Variants in PCDHA11 observed in about 807,000 individuals in gnomAD.
The protein encoded by PCDHA11 is protocadherin alpha-11.
A neutral mutation model predicts 70.3 loss-of-function variants in PCDHA11; 61 were observed. That is an observed-to-expected ratio of 0.87 (90% CI 0.71 to 1.07). The LOEUF is 1.07. Among genes scored for constraint, PCDHA11 ranks in the 50% least tolerant of loss-of-function variants. PCDHA11 has a pLI of 0.00. For missense variants in PCDHA11, 1,324 were observed against 1,237.5 expected (o/e 1.07, Z -1.05); for synonymous variants, 633 against 555.1 (o/e 1.14, Z -1.97).
rs1280903830 is a variant in PCDHA11, at chr5:140,927,541, G to T, written c.2392-51408G>T. 4 of 1,613,996 alleles carry T rather than the reference G, an allele frequency of 2.5e-6. No homozygotes were observed. The East Asian group carries it at 6.7e-5, about 27-fold the overall frequency. On this transcript the variant is annotated intron_variant, in intron 1 of 3. Coordinates refer to ENST00000398640, the MANE Select transcript of PCDHA11 (RefSeq NM_018902.5). ...CGGGCTACCTGCCCGCTCAGGAGAC[G>T]CACAAGTCACCATCATTGTGGTGGA...
At chr5:140,876,455 C>T (rs1554168573) in intron 1 of PCDHA11, 1 of 1,613,874 alleles carries the variant, frequency 6.2e-7, no homozygotes, top group African/African-American at 1.3e-5. Flanking sequence ...AAAGGGATTC[C>T]TTCCATGGCA....
intron 1 of PCDHA11, among the ~76,000 whole-genome samples, chr5:140,935,745 T>C (rs564797649): frequency 6.6e-6 from 1 of 152,324 alleles, no homozygotes; most frequent in South Asian, 2.1e-4. Flanking sequence ...TATTATTCCA[T>C]ACAATACACA....
At chr5:140,893,050 A>G (rs967159859) in intron 1 of PCDHA11, among the ~76,000 whole-genome samples, 1 of 152,248 alleles carries the variant, frequency 6.6e-6, no homozygotes, top group Non-Finnish European at 1.5e-5. Context: ...CTCCAGGCTC[A>G]GCCATACTGC....
intron 1 of PCDHA11, chr5:140,928,283 T>C (rs782493603): frequency 4.3e-6 from 7 of 1,614,178 alleles, no homozygotes; most frequent in Non-Finnish European, 5.1e-6. Flanking sequence ...GGGGCCTCTC[T>C]AGGCCGAGTG....
chr5:140,869,070 A>G lies in PCDHA11; in HGVS notation c.-34A>G, dbSNP rs1554162449. On this transcript the variant is annotated 5_prime_UTR_variant, in exon 1 of 4. Transcript: ENST00000398640. The stretch of plus-strand genomic sequence containing the variant: ...TGAAGAATCTGGTACTGTAAGTGTA[A>G]AGAAGCTTATTTTGGAAGCCAATTT... 6.4e-7 allele frequency: 1 copy of G among 1,572,828 alleles called. No homozygotes were observed. The highest frequency in any genetic ancestry group is 8.6e-7 in the Non-Finnish European group (1 of 1,160,898).
rs564306575 is a variant in PCDHA11, at chr5:140,927,833, A to G, written c.2392-51116A>G. On this transcript the variant is annotated intron_variant, in intron 1 of 3. Coordinates refer to ENST00000398640, the MANE Select transcript of PCDHA11 (RefSeq NM_018902.5). Reference sequence around the variant, plus strand: ...TTGGAGGCATACATTGAGGCGAGGGACGAAGGTGTCTTTGGTTTAGCTAGC... The same window carrying G: ...TTGGAGGCATACATTGAGGCGAGGGGCGAAGGTGTCTTTGGTTTAGCTAGC... 5.0e-6 allele frequency: 8 copies of G among 1,614,044 alleles called. No individual in the cohort carries two copies. Among genetic ancestry groups the G allele is most frequent in the African/African-American group, 4.0e-5 (3 of 74,914 alleles).
rs75032728 is a variant in PCDHA11 at position 140,932,740 on chromosome 5, T to C, written c.2392-46209T>C. On this transcript the variant is annotated intron_variant, in intron 1 of 3. Coordinates refer to ENST00000398640, the MANE Select transcript of PCDHA11 (RefSeq NM_018902.5). The stretch of plus-strand genomic sequence containing the variant: ...ATATTGTATAATATAGACCCTCAAA[T>C]CAGTAAAAAGGAAAGAAAAAGAACA... 5.5e-3 allele frequency among the ~76,000 whole-genome samples: 829 copies of C among 151,670 alleles called. 4 individuals carry two copies. The highest frequency in any genetic ancestry group is 0.019 in the African/African-American group (798 of 41,410).
At chr5:140,966,749 C>T (rs1554228607) in intron 1 of PCDHA11, 1 of 1,428,076 alleles carries the variant, frequency 7.0e-7, no homozygotes, top group Middle Eastern at 2.5e-4. Flanking sequence ...CCGGCTGCCT[C>T]CGCCGCGGCC....
At position 140,967,913 on chromosome 5, in the gene PCDHA11, A is replaced by G. The variant is rs548732358; in HGVS notation, c.2392-11036A>G. 3.7e-6 allele frequency: 6 copies of G among 1,614,184 alleles called. No homozygotes were observed. The highest frequency in any genetic ancestry group is 1.3e-5 in the African/African-American group (1 of 75,042). ...GCCTGAGAATGCTACACCCAACACC[A>G]TTGTGGCCGTTCTCAGTGTCAATGA... On this transcript the variant is annotated intron_variant, in intron 1 of 3. Transcript: ENST00000398640.
At position 141,009,660 on chromosome 5, in the gene PCDHA11, G is replaced by C; in HGVS notation, c.2573G>C (p.Gly858Ala). 7 of 1,614,084 alleles carry C rather than the reference G, an allele frequency of 4.3e-6. No homozygotes were observed. Among genetic ancestry groups the C allele is most frequent in the Non-Finnish European group, 5.9e-6 (7 of 1,180,030 alleles). Residue 858 changes from glycine (G) to alanine (A), a missense_variant, in exon 4 of 4, where the codon GGT becomes GCT. Physicochemically the swap from Gly to Ala is moderately conservative, Grantham distance 60 (BLOSUM62 0). Coordinates refer to ENST00000398640, the MANE Select transcript of PCDHA11 (RefSeq NM_018902.5). ...PEAGEVSPPV[G>A]AGVNSNSWTF... ...GCAGGAGAAGTGTCCCCTCCAGTCGGTGCGGGTGTCAACAGCAACAGCTGG... is the reference window on the plus strand; with the variant it reads ...GCAGGAGAAGTGTCCCCTCCAGTCGCTGCGGGTGTCAACAGCAACAGCTGG...
intron 1 of PCDHA11, chr5:140,877,781 T>C: frequency 6.2e-7 from 1 of 1,614,178 alleles, no homozygotes; most frequent in South Asian, 1.1e-5. Flanking sequence ...ACGGACCTCA[T>C]GGCCTTCAGC....
intron 1 of PCDHA11, chr5:140,967,425 C>A (rs1218574888): frequency 1.2e-6 from 2 of 1,613,178 alleles, no homozygotes; most frequent in Non-Finnish European, 1.7e-6. Context: ...CGGGAGCAGG[C>A]AGCCTTGCAC....
intron 1 of PCDHA11, among the ~76,000 whole-genome samples, chr5:140,875,100 G>C (rs558585314): frequency 6.6e-6 from 1 of 152,124 alleles, no homozygotes; most frequent in Non-Finnish European, 1.5e-5. Context: ...TTGATGTTTT[G>C]TTACTAATAT....
chr5:140,906,175 G>T (rs1177661963), intron 1 of PCDHA11, among the ~76,000 whole-genome samples: 18 of 152,058 alleles, frequency 1.2e-4, no homozygotes, highest in African/African-American at 4.1e-4. Flanking sequence ...ACAATACTTT[G>T]CATCCTTCAA....
chr5:140,958,015 C>A (rs573406509), intron 1 of PCDHA11, among the ~76,000 whole-genome samples: 1 of 151,796 alleles, frequency 6.6e-6, no homozygotes, highest in Non-Finnish European at 1.5e-5. Context: ...TTCTATCAGC[C>A]AAGTATACTA....
At chr5:140,897,032 T>C (rs2065847458) in intron 1 of PCDHA11, among the ~76,000 whole-genome samples, 2 of 152,146 alleles carry the variant, frequency 1.3e-5, no homozygotes, top group Non-Finnish European at 2.9e-5. Flanking sequence ...ATTTAGACCA[T>C]AGTCACCCTA....
chr5:140,954,282 T>C (rs1554221335), intron 1 of PCDHA11, among the ~76,000 whole-genome samples: 1 of 152,220 alleles, frequency 6.6e-6, no homozygotes. Context: ...TGATTTATAT[T>C]CCTTTGGGTA....
At chr5:140,927,172 G>A (rs782548172) in intron 1 of PCDHA11, 7 of 1,614,034 alleles carry the variant, frequency 4.3e-6, no homozygotes, top group East Asian at 4.5e-5. Context: ...AGCTGCCTGC[G>A]TCTTGACCTA....
chr5:140,875,234 T>C, intron 1 of PCDHA11: 1 of 867,742 alleles, frequency 1.2e-6, no homozygotes. Context: ...ATCTTTCTTG[T>C]ACTTACATAA....
Sources: allele counts gnomAD v4.1 joint callset (sites outside exome capture counted in the v4.1 genomes callset), GRCh38; gene constraint gnomAD v4.1.1; transcripts MANE v1.5; gene names NCBI Gene and HGNC (gene_info 2026-07-23, HGNC 2026-07-21).